FOXN3: variants seen among roughly 807,000 people sequenced by gnomAD.
FOXN3 encodes forkhead box protein N3.
Under a neutral mutation model 38.4 loss-of-function variants are expected in FOXN3, and 7 were observed. That is an observed-to-expected ratio of 0.18 (90% CI 0.10 to 0.34). The LOEUF (loss-of-function observed/expected upper bound fraction) is 0.34. FOXN3 is among the 10% of genes least tolerant of loss of function. The pLI is 1.00. For synonymous variants in FOXN3, 230 were observed against 242.2 expected (o/e 0.95, Z 0.47); for missense variants, 456 against 613.4 (o/e 0.74, Z 2.71).
intron 4 of FOXN3, among the ~76,000 whole-genome samples, chr14:89,279,257 G>A (rs751223605): frequency 9.2e-5 from 14 of 152,148 alleles, no homozygotes; most frequent in Non-Finnish European, 1.8e-4. Context: ...AGTTCCTAGA[G>A]CAACTGGGGG....
chr14:89,452,508 G>A (rs962758940), intron 1 of FOXN3, among the ~76,000 whole-genome samples: 11 of 152,310 alleles, frequency 7.2e-5, no homozygotes, highest in East Asian at 1.9e-4. Flanking sequence ...TCCAGGCTGC[G>A]AGGCCATCTG....
chr14:89,248,325 C>T (rs117972722), intron 4 of FOXN3, among the ~76,000 whole-genome samples: 3,718 of 152,320 alleles, frequency 0.024, 65 homozygotes, highest in Non-Finnish European at 0.041. Context: ...TTAGTTCCAC[C>T]TTCCATACTT....
Position 89,162,414 on chromosome 14 carries a change from T to G in FOXN3, c.1407A>C (p.Ter469TyrextTer8). The G allele has an allele frequency of 6.5e-7, 1 of 1,544,448 alleles. No individual in the cohort carries two copies. Among genetic ancestry groups the G allele is most frequent in the South Asian group, 1.2e-5 (1 of 80,450 alleles). ...TTCAAAACAAATCAGTGACTTGTTT[T>G]TAATTTTTTGTGGTTTCCTTTTGCT... ...QKEQKETTKN[*>Y] is the part of the protein sequence containing the mutation. The change falls in exon 6 of 6, where the codon TAA (stop) becomes TAC (tyrosine). Residue 469 changes from the stop codon to tyrosine (Y), a stop_lost. Transcript: ENST00000557258. This position sits in a 1 kb window ranked among gnomAD's most constrained non-coding sequence, Gnocchi z 7.2.
chr14:89,617,403 T>C (rs1896514243), intron 1 of FOXN3, among the ~76,000 whole-genome samples: 1 of 152,238 alleles, frequency 6.6e-6, no homozygotes, highest in Admixed American at 6.5e-5. Flanking sequence ...CTCAGAATAG[T>C]GTGCAGGCTG....
intron 1 of FOXN3, among the ~76,000 whole-genome samples, chr14:89,447,053 G>T (rs930250596): frequency 6.6e-6 from 1 of 151,986 alleles, no homozygotes; most frequent in South Asian, 2.1e-4. Flanking sequence ...AAAATTAGCC[G>T]GGTGTGGTGG....
intron 5 of FOXN3, among the ~76,000 whole-genome samples, chr14:89,177,771 AC>A (rs1408692544): frequency 4.0e-5 from 6 of 151,898 alleles, no homozygotes; most frequent in Non-Finnish European, 8.8e-5. Flanking sequence ...CACTTGCAGA[AC>A]TGTGTTCCCT....
chr14:89,328,118 A>G (rs1031286197), intron 3 of FOXN3, among the ~76,000 whole-genome samples: 1 of 152,266 alleles, frequency 6.6e-6, no homozygotes, highest in Non-Finnish European at 1.5e-5. Flanking sequence ...TTTTGTACAG[A>G]TGACCGAAAG....
At chr14:89,428,204 T>G (rs1333971028) in intron 1 of FOXN3, among the ~76,000 whole-genome samples, 1 of 152,246 alleles carries the variant, frequency 6.6e-6, no homozygotes. Flanking sequence ...TACTAACATA[T>G]TTCCCTGCAG....
intron 1 of FOXN3, among the ~76,000 whole-genome samples, chr14:89,468,766 A>G (rs993447460): frequency 6.6e-6 from 1 of 152,168 alleles, no homozygotes; most frequent in Non-Finnish European, 1.5e-5. Context: ...CTGGTGGTGA[A>G]TATCGAGGTT....
chr14:89,304,302 G>C (rs1210128200), intron 3 of FOXN3, among the ~76,000 whole-genome samples: 1 of 152,246 alleles, frequency 6.6e-6, no homozygotes, highest in African/African-American at 2.4e-5. Flanking sequence ...CTGGAGCCCG[G>C]GAAGGGGCGG....
chr14:89,423,996 C>T (rs1022415507), intron 1 of FOXN3, among the ~76,000 whole-genome samples: 7 of 152,184 alleles, frequency 4.6e-5, no homozygotes, highest in African/African-American at 1.7e-4. Context: ...GCACACCTGG[C>T]ATTTATGCCT....
chr14:89,506,086 C>T (rs1183285656), intron 1 of FOXN3, among the ~76,000 whole-genome samples: 1 of 145,330 alleles, frequency 6.9e-6, no homozygotes. Context: ...GGTCAGCCCC[C>T]CGCCCGGCCA....
At chr14:89,221,899 T>C (rs1260588530) in intron 4 of FOXN3, among the ~76,000 whole-genome samples, 1 of 151,792 alleles carries the variant, frequency 6.6e-6, no homozygotes, top group Non-Finnish European at 1.5e-5. Context: ...CTCGGCTCAC[T>C]GCAAGCTCCA....
intron 1 of FOXN3, among the ~76,000 whole-genome samples, chr14:89,531,121 A>T (rs1331205891): frequency 1.3e-5 from 2 of 148,914 alleles, no homozygotes; most frequent in African/African-American, 4.9e-5. Context: ...ACACACACAT[A>T]ATATATATAC....
At chr14:89,348,421 T>C (rs2140005141) in intron 3 of FOXN3, among the ~76,000 whole-genome samples, 1 of 152,300 alleles carries the variant, frequency 6.6e-6, no homozygotes, top group South Asian at 2.1e-4. Context: ...AGAAATATTG[T>C]ACAATTACCC....
At chr14:89,301,726 C>A in intron 3 of FOXN3, among the ~76,000 whole-genome samples, 1 of 152,058 alleles carries the variant, frequency 6.6e-6, no homozygotes, top group East Asian at 1.9e-4. Context: ...CGAGATCATG[C>A]CACTGCACTC....
At chr14:89,614,027 G>A (rs879326313) in intron 1 of FOXN3, among the ~76,000 whole-genome samples, 6 of 152,214 alleles carry the variant, frequency 3.9e-5, no homozygotes, top group African/African-American at 1.2e-4. Flanking sequence ...AACTGAGCCC[G>A]ATCTCAATAC....
At chr14:89,214,491 C>T (rs145732124) in intron 4 of FOXN3, among the ~76,000 whole-genome samples, 73 of 152,316 alleles carry the variant, frequency 4.8e-4, no homozygotes, top group Non-Finnish European at 6.0e-4. Context: ...CCACTCACTC[C>T]GAATCAGGAA....
rs191456785 is a variant in FOXN3 at position 89,467,332 on chromosome 14, A to G, written c.-14-54842T>C. 8.4e-3 allele frequency among the ~76,000 whole-genome samples: 1,274 copies of G among 152,292 alleles called. 16 individuals are homozygous for G. Among genetic ancestry groups the G allele is most frequent in the Non-Finnish European group, 0.012 (795 of 68,020 alleles). Reference sequence around the variant, plus strand: ...CCTTGTGGGCAGGAAACATGGCTTCATTACACGTTGTAGAAAAGGGGCTGG... The same window carrying G: ...CCTTGTGGGCAGGAAACATGGCTTCGTTACACGTTGTAGAAAAGGGGCTGG... On this transcript the variant is annotated intron_variant, in intron 1 of 6. Transcript: ENST00000345097.
Sources: allele counts gnomAD v4.1 joint callset (sites outside exome capture counted in the v4.1 genomes callset), GRCh38; gene constraint gnomAD v4.1.1; non-coding constraint Gnocchi (gnomAD v3.1); transcripts MANE v1.5; gene names NCBI Gene and HGNC (gene_info 2026-07-23, HGNC 2026-07-21).